EIF3M: variants seen among roughly 807,000 people sequenced by gnomAD.
EIF3M encodes eukaryotic translation initiation factor 3 subunit M, also known as B5 receptor.
In EIF3M, 25 loss-of-function variants were observed where a neutral mutation model predicts 49.7. The observed-to-expected ratio is 0.50, with a 90% CI of 0.37 to 0.70. EIF3M has a LOEUF of 0.70. Among genes scored for constraint, EIF3M ranks in the 30% least tolerant of loss-of-function variants. The pLI is 0.00. For missense variants in EIF3M, 350 were observed against 440.0 expected, an observed-to-expected ratio of 0.80 and a Z score of 1.83; for synonymous variants, 156 against 149.8, an observed-to-expected ratio of 1.04 and a Z score of -0.30.
At position 32,589,546 on chromosome 11, in the gene EIF3M, G is replaced by A. The variant is rs748469156; in HGVS notation, c.439-1G>A. ...TTTCTCCTTTTGTCAATCTCTTGTA[G>A]GTTAGAAAATGGATTTCTGACTGGA... On this transcript the variant is annotated splice_acceptor_variant, in intron 4 of 10. Transcript: ENST00000531120. LOFTEE classifies it high-confidence loss of function. 6.2e-7 allele frequency: 1 copy of A among 1,611,912 alleles called. No individual in the cohort carries two copies. The highest frequency in any genetic ancestry group is 1.4e-5 in the African/African-American group (1 of 73,426).
At chr11:32,591,451 A>G (rs1035384276) in intron 5 of EIF3M, among the ~76,000 whole-genome samples, 9 of 152,218 alleles carry the variant, frequency 5.9e-5, no homozygotes, top group African/African-American at 1.9e-4. Flanking sequence ...GTACCACTAC[A>G]CTACCATAAT....
In EIF3M at chr11:32,594,099, C is replaced by T. The variant is rs192773400; in HGVS notation, c.617+150C>T. ...TTTCCTGGTGATTCTAATGTAGATA[C>T]TAAAATTCAAGGTTTGATATTGGAA... On this transcript the variant is annotated intron_variant, in intron 6 of 10. Transcript: ENST00000531120. The T allele has an allele frequency of 2.3e-4, 102 of 450,126 alleles. No individual in the cohort carries two copies. In the Admixed American group the frequency reaches 2.6e-3, roughly 12 times the overall value. The allele number at this position is 450,126 out of a possible 1,614,324, so 27.9% of individuals were successfully genotyped here.
In EIF3M at chr11:32,596,013, T is replaced by C; in HGVS notation, c.765T>C (p.Phe255=). 6.4e-7 allele frequency: 1 copy of C among 1,561,090 alleles called. No homozygotes were observed. The highest frequency in any genetic ancestry group is 8.6e-7 in the Non-Finnish European group (1 of 1,163,214). ...CTAAATTGGCATCATATGTCAAGTTTTATCAGAATAATAAAGACTTCATTG... is the reference window on the plus strand; with the variant it reads ...CTAAATTGGCATCATATGTCAAGTTCTATCAGAATAATAAAGACTTCATTG... ...VSAKLASYVK[F]YQNNKDFIDS... The change falls in exon 8 of 11, where the codon TTT becomes TTC. Residue 255 remains phenylalanine, a synonymous_variant. Coordinates refer to ENST00000531120, the MANE Select transcript of EIF3M (RefSeq NM_006360.6).
intron 9 of EIF3M, chr11:32,601,383 G>A (rs1855260000): frequency 6.1e-6 from 1 of 164,464 alleles, no homozygotes; most frequent in African/African-American, 2.4e-5. Flanking sequence ...AAAAGGTACA[G>A]AACTATTGAC....
chr11:32,603,079 C>T lies in EIF3M; in HGVS notation c.*680C>T. ...TATTATACAAAAGATTTTAAAGAGT[C>T]TGTAAAGCCTCTGCAGTTATGAGTA... is the stretch of plus-strand genomic sequence containing the variant. On this transcript the variant is annotated 3_prime_UTR_variant, in exon 11 of 11. Coordinates refer to ENST00000531120, the MANE Select transcript of EIF3M (RefSeq NM_006360.6). 1.5e-6 allele frequency: 2 copies of T among 1,370,338 alleles called. No homozygotes were observed. The highest frequency in any genetic ancestry group is 2.2e-5 in the Admixed American group (1 of 46,036). The allele number at this position is 1,370,338 out of a possible 1,614,324, so 84.9% of individuals were successfully genotyped here.
chr11:32,586,514 C>G (rs1377766773), intron 1 of EIF3M, among the ~76,000 whole-genome samples: 1 of 152,204 alleles, frequency 6.6e-6, no homozygotes, highest in Non-Finnish European at 1.5e-5. Context: ...AAATGCTTAT[C>G]TCAAATAGCT....
Position 32,603,004 on chromosome 11 carries a change from A to G in EIF3M, c.*605A>G, listed in dbSNP as rs189944824. The G allele has an allele frequency of 5.0e-6, 8 of 1,597,220 alleles. No individual in the cohort carries two copies. The highest frequency in any genetic ancestry group is 6.8e-6 in the Non-Finnish European group (8 of 1,175,974). ...ATGGCTTTGTAGTGGAGTTGATATCAGAGGCTTTGTTTTCACCTGGGAAAG... is the reference window on the plus strand; with the variant it reads ...ATGGCTTTGTAGTGGAGTTGATATCGGAGGCTTTGTTTTCACCTGGGAAAG... On this transcript the variant is annotated 3_prime_UTR_variant, in exon 11 of 11. Transcript: ENST00000531120.
chr11:32,588,089 T>A (rs1176956730), intron 2 of EIF3M, among the ~76,000 whole-genome samples: 7 of 152,258 alleles, frequency 4.6e-5, no homozygotes, highest in Admixed American at 3.3e-4. Flanking sequence ...TCTGTTTTAC[T>A]AGTTAGAAAC....
intron 8 of EIF3M, among the ~76,000 whole-genome samples, chr11:32,597,282 T>C (rs1172294874): frequency 6.6e-6 from 1 of 152,222 alleles, no homozygotes; most frequent in Non-Finnish European, 1.5e-5. Flanking sequence ...TGGTGATTTG[T>C]ATTTTTGGTC....
chr11:32,603,709 T>G lies in EIF3M; in HGVS notation c.*1310T>G, dbSNP rs1324503372. 6.6e-6 allele frequency: 1 copy of G among 152,188 alleles called. No individual in the cohort carries two copies. Among genetic ancestry groups the G allele is most frequent in the Non-Finnish European group, 1.5e-5 (1 of 68,032 alleles). The allele number at this position is 152,188 out of a possible 1,614,324, so 9.4% of individuals were successfully genotyped here. A position where few individuals can be genotyped will look rare whatever the true frequency, so the allele number is the denominator to read the frequency against. ...TTTCCAGTTTATCCCTACCAAAAAT[T>G]AATTCGAGTTAATTTCATGCAAAAC... is the stretch of plus-strand genomic sequence containing the variant. On this transcript the variant is annotated 3_prime_UTR_variant, in exon 11 of 11. Transcript: ENST00000531120.
intron 5 of EIF3M, among the ~76,000 whole-genome samples, chr11:32,593,181 T>G (rs1855128608): frequency 6.6e-6 from 1 of 152,246 alleles, no homozygotes; most frequent in South Asian, 2.1e-4. Flanking sequence ...TTCCTCCTAG[T>G]TAGCAAAGCT....
chr11:32,601,543 G>T (rs1025720718), intron 9 of EIF3M: 26 of 358,192 alleles, frequency 7.3e-5, no homozygotes, highest in Non-Finnish European at 1.3e-4. Flanking sequence ...ACTGTATGCA[G>T]TATTTATTTA....
rs957321643 is a variant in EIF3M at position 32,583,852 on chromosome 11, T to C, written c.-36T>C. ...TTCCCTTTTCCGGTCGGCGTGGTCT[T>C]GCGAGTGGAGTGTCCGCTGTGCCCG... On this transcript the variant is annotated 5_prime_UTR_variant, in exon 1 of 11. Transcript: ENST00000531120. The C allele has an allele frequency of 5.6e-6, 9 of 1,608,844 alleles. No individual in the cohort carries two copies. Among genetic ancestry groups the C allele is most frequent in the Non-Finnish European group, 6.8e-6 (8 of 1,176,662 alleles).
intron 8 of EIF3M, among the ~76,000 whole-genome samples, chr11:32,597,536 G>A (rs183343167): frequency 1.5e-4 from 23 of 152,242 alleles, no homozygotes; most frequent in Middle Eastern, 3.4e-3. Context: ...CTTGTCTAGC[G>A]TATCAGTTCA....
chr11:32,587,700 G>A (rs1330608519), intron 2 of EIF3M, among the ~76,000 whole-genome samples: 1 of 152,122 alleles, frequency 6.6e-6, no homozygotes, highest in African/African-American at 2.4e-5. Context: ...AACATCAAAT[G>A]GGATACAGTT....
Position 32,603,145 on chromosome 11 carries a change from T to C in EIF3M, c.*746T>C, listed in dbSNP as rs1479117217. On this transcript the variant is annotated 3_prime_UTR_variant, in exon 11 of 11. Transcript: ENST00000531120. ...ATCTCTTGGCTGATTTCCACTACCT[T>C]AGTAGTTCTGGCACCAGAAAAGTAT... 4 of 690,972 alleles carry C rather than the reference T, an allele frequency of 5.8e-6. No homozygotes were observed. Among genetic ancestry groups the C allele is most frequent in the Non-Finnish European group, 9.4e-6 (4 of 425,508 alleles). The allele number at this position is 690,972 out of a possible 1,614,324, so 42.8% of individuals were successfully genotyped here. A position where few individuals can be genotyped will look rare whatever the true frequency, so the allele number is the denominator to read the frequency against.
rs776240689 is a variant in EIF3M at position 32,587,081 on chromosome 11, C to A, written c.112C>A (p.Leu38Ile). Residue 38 changes from leucine to isoleucine, a missense_variant, in exon 2 of 11, where the codon CTT becomes ATT. Coordinates refer to ENST00000531120, the MANE Select transcript of EIF3M (RefSeq NM_006360.6). ...TTCAGAAGAGAACTCGGAAGGTGGACTTCATGTTGATTTAGCTCAAATTAT... is the reference window on the plus strand; with the variant it reads ...TTCAGAAGAGAACTCGGAAGGTGGAATTCATGTTGATTTAGCTCAAATTAT... ...EISEENSEGG[L>I]HVDLAQIIEA... is the part of the protein sequence containing the mutation. The A allele has an allele frequency of 5.6e-6, 9 of 1,612,654 alleles. No individual in the cohort carries two copies. The highest frequency in any genetic ancestry group is 5.9e-6 in the Non-Finnish European group (7 of 1,179,012).
At chr11:32,602,182 A>AATC in intron 10 of EIF3M, 97 bp from the exon 11 acceptor site, 1 of 1,502,020 alleles carries the variant, frequency 6.7e-7, no homozygotes, top group South Asian at 1.3e-5. Flanking sequence ...AGGTATATTT[A>AATC]ATCTTGCTTT....
intron 1 of EIF3M, among the ~76,000 whole-genome samples, chr11:32,585,872 G>GTAAT (rs1854990317): frequency 1.3e-5 from 2 of 151,734 alleles, no homozygotes; most frequent in Middle Eastern, 6.8e-3. Context: ...TCTAGAAAAT[G>GTAAT]TAATGCCTGT....
Sources: gnomAD v4.1 joint callset for allele counts (sites outside exome capture counted in the v4.1 genomes callset) on GRCh38, gnomAD v4.1.1 for gene constraint, MANE v1.5 for transcripts, NCBI Gene and HGNC (gene_info 2026-07-23, HGNC 2026-07-21) for gene names.